Variants in FAM219B observed in about 807,000 individuals in gnomAD.
The protein encoded by FAM219B is protein FAM219B.
FAM219B carries 18 observed loss-of-function variants against 19.9 expected under a neutral mutation model. The ratio of observed to expected loss-of-function variants is 0.91; its 90% CI spans 0.63 to 1.34. The LOEUF (loss-of-function observed/expected upper bound fraction) is 1.34. Ranked by LOEUF, FAM219B falls within the 40% of genes most tolerant of loss-of-function variation. The pLI is 0.00. For synonymous variants in FAM219B, 123 were observed against 117.5 expected (o/e 1.05, Z -0.30); for missense variants, 283 against 270.5 (o/e 1.05, Z -0.32).
intron 3 of FAM219B, 166 bp from the exon 4 acceptor site, chr15:74,904,878 T>G: frequency 7.0e-7 from 1 of 1,425,390 alleles, no homozygotes; most frequent in Non-Finnish European, 9.6e-7. Context: ...TTCCCTCAAT[T>G]GGTTCTGGCA....
At chr15:74,898,574 G>A (rs1418724326), downstream of FAM219B, 3 of 150,682 alleles carry the variant, frequency 2.0e-5, no homozygotes, top group Admixed American at 2.0e-4. Flanking sequence ...GTCTCGGTCT[G>A]TAGCCCAGGC....
At chr15:74,906,033 G>A in intron 2 of FAM219B, 1 of 501,968 alleles carries the variant, frequency 2.0e-6, no homozygotes, top group East Asian at 3.4e-5. Context: ...CAGAGGAGGA[G>A]AATGATAGTG....
At position 74,901,966 on chromosome 15, in the gene FAM219B, G is replaced by A; in HGVS notation, c.*653C>T. Reference sequence around the variant, plus strand: ...TAAACTCACCCGGACGGTTGGACCAGTTGGGGATGCCCCAGGTCCAGGGAT... The same window carrying A: ...TAAACTCACCCGGACGGTTGGACCAATTGGGGATGCCCCAGGTCCAGGGAT... On this transcript the variant is annotated 3_prime_UTR_variant, in exon 5 of 5. Transcript: ENST00000357635. 5.0e-6 allele frequency: 2 copies of A among 397,062 alleles called. No homozygotes were observed. The highest frequency in any genetic ancestry group is 8.9e-6 in the Non-Finnish European group (2 of 225,578). 24.6% of individuals were successfully genotyped at this position (397,062 alleles called of 1,614,324 possible). A position where few individuals can be genotyped will look rare whatever the true frequency, so the allele number is the denominator to read the frequency against.
At chr15:74,899,205 TGAG>T, downstream of FAM219B, 1 of 152,376 alleles carries the variant, frequency 6.6e-6, no homozygotes, top group African/African-American at 2.4e-5. Flanking sequence ...CTGCTGCTGC[TGAG>T]GTTTCTGACC....
At position 74,904,686 on chromosome 15, in the gene FAM219B, G is replaced by A. The variant is rs752785603; in HGVS notation, c.407C>T (p.Ser136Phe). The change falls in exon 4 of 5, where the codon TCC becomes TTC. Residue 136 changes from serine (S) to phenylalanine (F), a missense_variant. Ser to Phe is a radical substitution (Grantham distance 155). Transcript: ENST00000357635. ...DSDGELGSRY[S>F]SGYSSAEQVN... Reference sequence around the variant, plus strand: ...TGCCTCTGCAGATGAATACCCGGAGGAGTATCTGGATCCCAGCTCCCCATC... The same window carrying A: ...TGCCTCTGCAGATGAATACCCGGAGAAGTATCTGGATCCCAGCTCCCCATC... 1.2e-6 allele frequency: 2 copies of A among 1,614,228 alleles called. No homozygotes were observed. Among genetic ancestry groups the A allele is most frequent in the Admixed American group, 1.7e-5 (1 of 60,018 alleles).
At position 74,906,307 on chromosome 15, in the gene FAM219B, C is replaced by G; in HGVS notation, c.273G>C (p.Ser91=). 6.2e-7 allele frequency: 1 copy of G among 1,613,628 alleles called. No homozygotes were observed. Among genetic ancestry groups the G allele is most frequent in the Non-Finnish European group, 8.5e-7 (1 of 1,179,946 alleles). The change falls in exon 2 of 5, where the codon TCG becomes TCC. Residue 91 remains serine (S), a synonymous_variant. Coordinates refer to ENST00000357635, the MANE Select transcript of FAM219B (RefSeq NM_020447.5). ...VLRRKGMLGA[S]PNRPDSSGKR... is the part of the protein sequence containing the mutation. ...TCCCTGAAGAGTCTGGGCGGTTCGG[C>G]GAGGCCCCCAGCATGCCTTTTCTCC... is the stretch of plus-strand genomic sequence containing the variant.
chr15:74,905,112 C>T, intron 3 of FAM219B, 42 bp downstream of exon 3: 1 of 1,613,196 alleles, frequency 6.2e-7, no homozygotes, highest in Non-Finnish European at 8.5e-7. Flanking sequence ...CAGTCCCAGC[C>T]AAGTTGCTTC....
chr15:74,906,720 C>G lies in FAM219B; in HGVS notation c.81G>C (p.Ala27=). The G allele has an allele frequency of 7.3e-7, 1 of 1,379,122 alleles. No individual in the cohort carries two copies. Among genetic ancestry groups the G allele is most frequent in the Non-Finnish European group, 9.4e-7 (1 of 1,064,122 alleles). 85.4% of individuals were successfully genotyped at this position (1,379,122 alleles called of 1,614,324 possible). A position where few individuals can be genotyped will look rare whatever the true frequency, so the allele number is the denominator to read the frequency against. The change falls in exon 1 of 5, where the codon GCG becomes GCC. Residue 27 remains alanine, a synonymous_variant. Transcript: ENST00000357635. ...GPRPSGARDR[A]PGAAGPPSGQ... Reference sequence around the variant, plus strand: ...CGGAGGGTGGCCCCGCAGCTCCCGGCGCGCGGTCCCGAGCCCCGCTGGGCC... The same window carrying G: ...CGGAGGGTGGCCCCGCAGCTCCCGGGGCGCGGTCCCGAGCCCCGCTGGGCC...
rs543038610 is a variant in FAM219B, at chr15:74,906,700, G to A, written c.101C>T (p.Pro34Leu). 4.9e-6 allele frequency: 7 copies of A among 1,419,960 alleles called. No homozygotes were observed. Among genetic ancestry groups the A allele is most frequent in the Admixed American group, 5.9e-5 (2 of 33,828 alleles). The allele number at this position is 1,419,960 out of a possible 1,614,324, so 88.0% of individuals were successfully genotyped here. A position where few individuals can be genotyped will look rare whatever the true frequency, so the allele number is the denominator to read the frequency against. Residue 34 changes from proline to leucine, a missense_variant, in exon 1 of 5, where the codon CCC becomes CTC. Pro to Leu is a moderately conservative substitution (Grantham distance 98, BLOSUM62 -3). Transcript: ENST00000357635. ...RDRAPGAAGP[P>L]SGQIGNRALR... ...GGCTCTATTACCGATCTGCCCGGAG[G>A]GTGGCCCCGCAGCTCCCGGCGCGCG...
intron 3 of FAM219B, 139 bp downstream of exon 3, chr15:74,905,015 G>A (rs2065125479): frequency 6.4e-7 from 1 of 1,552,866 alleles, no homozygotes; most frequent in East Asian, 2.4e-5. Context: ...TCCTGGGAAG[G>A]GATATTGTTC....
chr15:74,905,322 G>T (rs768491102), intron 2 of FAM219B, 91 bp from the exon 3 acceptor site: 4 of 1,276,328 alleles, frequency 3.1e-6, no homozygotes, highest in East Asian at 2.4e-5. Context: ...GAAGGAGAAA[G>T]AATTGACTGC....
intron 4 of FAM219B, among the ~76,000 whole-genome samples, chr15:74,903,328 T>C (rs903704964): frequency 1.3e-5 from 2 of 151,938 alleles, no homozygotes; most frequent in Admixed American, 6.6e-5. Context: ...AGGCTGGGCG[T>C]GGTGGCTCAC....
chr15:74,901,951 C>T lies in FAM219B; in HGVS notation c.*668G>A, dbSNP rs770253262. The T allele has an allele frequency of 4.0e-5, 16 of 396,570 alleles. No individual in the cohort carries two copies. The highest frequency in any genetic ancestry group is 5.8e-5 in the Non-Finnish European group (13 of 225,402). 24.6% of individuals were successfully genotyped at this position (396,570 alleles called of 1,614,324 possible). A position where few individuals can be genotyped will look rare whatever the true frequency, so the allele number is the denominator to read the frequency against. ...GCAAACCAGAATCACTAAACTCACC[C>T]GGACGGTTGGACCAGTTGGGGATGC... On this transcript the variant is annotated 3_prime_UTR_variant, in exon 5 of 5. Coordinates refer to ENST00000357635, the MANE Select transcript of FAM219B (RefSeq NM_020447.5).
At chr15:74,899,310 T>A (rs1479874392), downstream of FAM219B, 1 of 152,218 alleles carries the variant, frequency 6.6e-6, no homozygotes, top group Non-Finnish European at 1.5e-5. Context: ...AAAAGAATCT[T>A]TCTGGGCTTC....
chr15:74,901,730 A>C lies in FAM219B; in HGVS notation c.*889T>G, dbSNP rs2064966738. ...CTTCTCAAAAGTTTAAAAAGTAAAC[A>C]ATAGGAAGGCACCGGACTGCTCCCT... is the stretch of plus-strand genomic sequence containing the variant. On this transcript the variant is annotated 3_prime_UTR_variant, in exon 5 of 5. Transcript: ENST00000357635. 1 of 180,030 alleles carries C rather than the reference A, an allele frequency of 5.6e-6. No individual in the cohort carries two copies. The highest frequency in any genetic ancestry group is 1.1e-5 in the Non-Finnish European group (1 of 87,042). The allele number at this position is 180,030 out of a possible 1,614,324, so 11.2% of individuals were successfully genotyped here. A position where few individuals can be genotyped will look rare whatever the true frequency, so the allele number is the denominator to read the frequency against.
At chr15:74,904,054 G>A (rs2065085689) in intron 4 of FAM219B, among the ~76,000 whole-genome samples, 1 of 152,192 alleles carries the variant, frequency 6.6e-6, no homozygotes, top group Admixed American at 6.6e-5. Flanking sequence ...GAGTTGCTGT[G>A]TGACACTGGA....
downstream of FAM219B, chr15:74,898,067 T>C (rs1390874618): frequency 2.5e-6 from 1 of 400,804 alleles, no homozygotes; most frequent in East Asian, 5.7e-5. Context: ...TAGCTCAGCA[T>C]CTGTCAGAGC....
In FAM219B at chr15:74,900,506, C is replaced by T. The variant is rs577314562; in HGVS notation, c.*2113G>A. On this transcript the variant is annotated 3_prime_UTR_variant, in exon 5 of 5. Coordinates refer to ENST00000357635, the MANE Select transcript of FAM219B (RefSeq NM_020447.5). ...TAGGTCTATACTTACCTTCCACAGC[C>T]ACCTCCCAGCACACACTGGGTCCCT... is the stretch of plus-strand genomic sequence containing the variant. The T allele has an allele frequency of 4.6e-5, 7 of 152,428 alleles. No homozygotes were observed. Among genetic ancestry groups the T allele is most frequent in the African/African-American group, 1.7e-4 (7 of 41,570 alleles). 9.4% of individuals were successfully genotyped at this position (152,428 alleles called of 1,614,324 possible).
chr15:74,905,159 A>AC lies in FAM219B; in HGVS notation c.374_375insG (p.Asp126Ter). On this transcript the variant is annotated frameshift_variant, in exon 3 of 5. Coordinates refer to ENST00000357635, the MANE Select transcript of FAM219B (RefSeq NM_020447.5). LOFTEE classifies it high-confidence loss of function. The stretch of plus-strand genomic sequence containing the variant: ...TTTCCAAGGGGAGCACTCACCTGTC[A>AC]GAGTCGAGGGACACCAGGTTTTCAT... 1 of 1,614,112 alleles carries AC rather than the reference A, an allele frequency of 6.2e-7. No homozygotes were observed. The highest frequency in any genetic ancestry group is 8.5e-7 in the Non-Finnish European group (1 of 1,179,972).
Sources: gnomAD v4.1 joint callset for allele counts (sites outside exome capture counted in the v4.1 genomes callset) on GRCh38, gnomAD v4.1.1 for gene constraint, MANE v1.5 for transcripts, NCBI Gene and HGNC (gene_info 2026-07-23, HGNC 2026-07-21) for gene names.